PAH: variants seen among roughly 807,000 people sequenced by gnomAD.
PAH encodes the protein phenylalanine hydroxylase.
PAH carries 64 observed loss-of-function variants against 62.0 expected under a neutral mutation model. That is an observed-to-expected ratio of 1.03 (90% CI 0.84 to 1.27). The LOEUF is 1.27. PAH is among the 50% of genes most tolerant of loss of function. The pLI, the probability that PAH is intolerant of heterozygous loss-of-function variation, is 0.00. For synonymous variants in PAH, 195 were observed against 196.2 expected, an observed-to-expected ratio of 0.99 and a Z score of 0.05; for missense variants, 579 against 542.8, an observed-to-expected ratio of 1.07 and a Z score of -0.66.
At chr12:102,846,165 C>G (rs1022789456) in intron 9 of PAH, among the ~76,000 whole-genome samples, 1 of 152,180 alleles carries the variant, frequency 6.6e-6, no homozygotes, top group Non-Finnish European at 1.5e-5. Flanking sequence ...ACTTGTCCAG[C>G]ACCTGAAAGC....
chr12:102,844,889 G>C (rs1359847742), intron 9 of PAH, among the ~76,000 whole-genome samples: 1 of 152,142 alleles, frequency 6.6e-6, no homozygotes, highest in African/African-American at 2.4e-5. Flanking sequence ...CTACGCCACT[G>C]ACTTTTCAGG....
chr12:102,882,988 G>C (rs931720518), intron 3 of PAH, among the ~76,000 whole-genome samples: 2 of 152,100 alleles, frequency 1.3e-5, no homozygotes, highest in African/African-American at 4.8e-5. Context: ...GGAAGAAGAG[G>C]AGGAGGGAGG....
In PAH at chr12:102,837,660, A is replaced by T. The variant is rs997578940; in HGVS notation, c.*1515T>A. Reference sequence around the variant, plus strand: ...ATCAGGCATAGCTATATAAAGACACATATGAACACTTGAATCATATTTCAA... The same window carrying T: ...ATCAGGCATAGCTATATAAAGACACTTATGAACACTTGAATCATATTTCAA... On this transcript the variant is annotated 3_prime_UTR_variant, in exon 13 of 13. Coordinates refer to ENST00000553106, the MANE Select transcript of PAH (RefSeq NM_000277.3). 6.6e-6 allele frequency: 1 copy of T among 152,244 alleles called. No homozygotes were observed. The allele number at this position is 152,244 out of a possible 1,614,324, so 9.4% of individuals were successfully genotyped here.
chr12:102,842,648 G>A (rs1018580670), intron 11 of PAH, among the ~76,000 whole-genome samples: 5 of 152,066 alleles, frequency 3.3e-5, no homozygotes, highest in African/African-American at 9.7e-5. Context: ...TAGAAAGGAA[G>A]GACTAAGATG....
At chr12:102,924,002 A>G (rs2136741473) in intron 1 of PAH, among the ~76,000 whole-genome samples, 1 of 152,350 alleles carries the variant, frequency 6.6e-6, no homozygotes, top group South Asian at 2.1e-4. Flanking sequence ...CGAGTTAGGC[A>G]GTTTCTACAC....
At chr12:102,851,905 G>T (rs1875170532) in intron 7 of PAH, 149 bp from the exon 8 acceptor site, 1 of 664,162 alleles carries the variant, frequency 1.5e-6, no homozygotes, top group South Asian at 1.7e-5. Context: ...ATATGCAGAG[G>T]TTGGGATCAT....
At chr12:102,896,700 A>C (rs894618063) in intron 2 of PAH, among the ~76,000 whole-genome samples, 1 of 152,202 alleles carries the variant, frequency 6.6e-6, no homozygotes, top group Non-Finnish European at 1.5e-5. Context: ...AAATGGAAAA[A>C]GTCCATCATA....
rs545934413 is a variant in PAH, at chr12:102,957,988, C to G, written c.-96+207G>C. On this transcript the variant is annotated intron_variant, in intron 1 of 4. Coordinates refer to the PAH transcript ENST00000551337. The surrounding 1 kb of genome is among the most constrained non-coding windows in gnomAD (Gnocchi z 4.1). The stretch of plus-strand genomic sequence containing the variant: ...ACGCGAGGCTCCCGAAGCCAACCCG[C>G]GAAGGGAGGAGGGGAGGGAGGAGGA... 2.1e-4 allele frequency: 70 copies of G among 341,174 alleles called. 2 individuals are homozygous for G. The East Asian group carries it at 2.3e-3, about 11-fold the overall frequency. The allele number at this position is 341,174 out of a possible 1,614,324, so 21.1% of individuals were successfully genotyped here. A position where few individuals can be genotyped will look rare whatever the true frequency, so the allele number is the denominator to read the frequency against.
chr12:102,866,784 AC>A (rs1875993118), intron 4 of PAH, 121 bp from the exon 5 acceptor site: 1 of 824,034 alleles, frequency 1.2e-6, no homozygotes, highest in Non-Finnish European at 2.1e-6. Context: ...CCTTGGTTAT[AC>A]CCTAAAACTA....
intron 1 of PAH, among the ~76,000 whole-genome samples, chr12:102,932,652 G>A (rs7973660): frequency 0.032 from 4,804 of 152,206 alleles, 263 homozygotes; most frequent in African/African-American, 0.11. Flanking sequence ...TTCTTCAACA[G>A]GTGTATATAG....
chr12:102,903,805 G>T (rs147722084), intron 2 of PAH, among the ~76,000 whole-genome samples: 1 of 152,058 alleles, frequency 6.6e-6, no homozygotes, highest in Non-Finnish European at 1.5e-5. Context: ...GATGACCTTG[G>T]AGCTCAGAGC....
chr12:102,890,723 G>T (rs1326874534), intron 3 of PAH, among the ~76,000 whole-genome samples: 2 of 152,210 alleles, frequency 1.3e-5, no homozygotes, highest in Admixed American at 6.5e-5. Context: ...TTAGGGAATT[G>T]AATCTGTGCT....
At chr12:102,881,106 C>T (rs1051008936) in intron 3 of PAH, among the ~76,000 whole-genome samples, 17 of 150,990 alleles carry the variant, frequency 1.1e-4, no homozygotes, top group Non-Finnish European at 1.6e-4. Context: ...CTACGCCTCC[C>T]GGGTTCAAGC....
intron 4 of PAH, among the ~76,000 whole-genome samples, chr12:102,876,137 G>T (rs528374805): frequency 1.3e-5 from 2 of 151,968 alleles, no homozygotes; most frequent in South Asian, 4.2e-4. Context: ...ATGCAGAACT[G>T]TCCAGAGAGA....
chr12:102,877,146 C>T, intron 4 of PAH: 3 of 402,982 alleles, frequency 7.4e-6, no homozygotes, highest in Non-Finnish European at 1.4e-5. Context: ...TGACTTAAAC[C>T]TCCATAGATG....
chr12:102,885,793 C>T (rs942507098), intron 3 of PAH, among the ~76,000 whole-genome samples: 3 of 152,174 alleles, frequency 2.0e-5, no homozygotes, highest in African/African-American at 7.2e-5. Flanking sequence ...TCCCTCCACC[C>T]GATGTTCACC....
At chr12:102,904,051 C>T (rs964511248) in intron 2 of PAH, among the ~76,000 whole-genome samples, 1 of 152,122 alleles carries the variant, frequency 6.6e-6, no homozygotes, top group Non-Finnish European at 1.5e-5. Context: ...AAAGTTGGAA[C>T]AATCTACTGA....
chr12:102,869,941 C>T (rs1167529485), intron 4 of PAH, among the ~76,000 whole-genome samples: 1 of 152,198 alleles, frequency 6.6e-6, no homozygotes, highest in Non-Finnish European at 1.5e-5. Flanking sequence ...TTTATAATCA[C>T]CCTGTCTCAA....
chr12:102,886,464 T>C (rs1392931549), intron 3 of PAH, among the ~76,000 whole-genome samples: 1 of 152,200 alleles, frequency 6.6e-6, no homozygotes, highest in Admixed American at 6.5e-5. Flanking sequence ...ATGTATCTCA[T>C]AAACATTATC....
Sources: gnomAD v4.1 joint callset for allele counts (sites outside exome capture counted in the v4.1 genomes callset) on GRCh38, gnomAD v4.1.1 for gene constraint, Gnocchi (gnomAD v3.1) non-coding constraint, MANE v1.5 for transcripts, NCBI Gene and HGNC (gene_info 2026-07-23, HGNC 2026-07-21) for gene names.